NEB: variants seen among roughly 807,000 people sequenced by gnomAD.
NEB encodes the protein nebulin, also known as nemaline myopathy type 2.
NEB carries 512 observed loss-of-function variants against 952.2 expected under a neutral mutation model. That is an observed-to-expected ratio of 0.54 (90% CI 0.50 to 0.58). The LOEUF (loss-of-function observed/expected upper bound fraction) is 0.58, where lower values mean the gene tolerates loss of function less well. Among genes scored for constraint, NEB ranks in the 20% least tolerant of loss-of-function variants. NEB has a pLI of 0.00. For synonymous variants in NEB, 2,900 were observed against 3,149.8 expected, an observed-to-expected ratio of 0.92 and a Z score of 2.66; for missense variants, 8,428 against 9,231.1, an observed-to-expected ratio of 0.91 and a Z score of 3.56.
In NEB at chr2:151,612,368, C is replaced by T. The variant is rs1443729624; in HGVS notation, c.11623G>A (p.Glu3875Lys). The change falls in exon 78 of 182, where the codon GAG (glutamate) becomes AAG (lysine). Residue 3875 changes from glutamate to lysine, a missense_variant. By Grantham distance (56) the Glu-to-Lys change is moderately conservative. Around this residue, in one of 11 missense-constraint regions of NEB, gnomAD observed 337 missense variants for 297.5 expected, o/e 1.13. Transcript: ENST00000397345. ...QSDAIYKSDL[E>K]WLRGIGWVPI... ...ACCCATCCTATGCCTCTCAGCCACT[C>T]AAGATCAGATTTGTAAATAGCCTGA... 1 of 1,613,740 alleles carries T rather than the reference C, an allele frequency of 6.2e-7. No individual in the cohort carries two copies. Among genetic ancestry groups the T allele is most frequent in the Admixed American group, 1.7e-5 (1 of 60,008 alleles).
intron 46 of NEB, among the ~76,000 whole-genome samples, chr2:151,660,313 T>C (rs544802320): frequency 6.6e-6 from 1 of 152,296 alleles, no homozygotes; most frequent in South Asian, 2.1e-4. Flanking sequence ...ATTTTCATCT[T>C]AGCGTCTCCT....
rs747483703 is a variant in NEB at position 151,659,075 on chromosome 2, T to C, written c.6065A>G (p.Asn2022Ser). The part of the protein sequence containing the change: ...QIILAKANAI[N>S]MSDKLYKLSL... ...GGGAACTATACTTACATCACTCATA[T>C]TAATTGCATTTGCCTTTGCCAAAAT... Residue 2022 changes from asparagine (N) to serine (S), a missense_variant, in exon 47 of 182, where the codon AAT becomes AGT. This residue lies in a region of NEB where 2,851 missense variants were observed against 2,791.5 expected (regional missense o/e 1.02). Coordinates refer to ENST00000397345, the MANE Select transcript of NEB (RefSeq NM_001164508.2). 1 of 1,601,426 alleles carries C rather than the reference T, an allele frequency of 6.2e-7. No individual in the cohort carries two copies. Among genetic ancestry groups the C allele is most frequent in the East Asian group, 2.2e-5 (1 of 44,818 alleles).
chr2:151,538,019 G>A (rs1196570488), intron 139 of NEB, 43 bp from the exon 140 acceptor site: 1 of 1,568,196 alleles, frequency 6.4e-7, no homozygotes, highest in Non-Finnish European at 8.8e-7. Flanking sequence ...CTTACCCAAA[G>A]TTAATGTAAA....
chr2:151,687,635 G>C lies in NEB; in HGVS notation c.2514C>G (p.Asn838Lys), dbSNP rs962547010. 2.5e-6 allele frequency: 4 copies of C among 1,612,740 alleles called. No individual in the cohort carries two copies. Among genetic ancestry groups the C allele is most frequent in the Non-Finnish European group, 3.4e-6 (4 of 1,179,248 alleles). Residue 838 changes from asparagine (N) to lysine (K), a missense_variant, in exon 26 of 182, where the codon AAC (asparagine) becomes AAG (lysine). By Grantham distance (94) the Asn-to-Lys change is moderately conservative (BLOSUM62 0). Coordinates refer to ENST00000397345, the MANE Select transcript of NEB (RefSeq NM_001164508.2). ...PLLAAKANTK[N>K]TSDVMYKKDY... ...CCCAGGCCACACTCACATCGCTGGT[G>C]TTCTTGGTGTTGGCTTTGGCTGCCA... is the stretch of plus-strand genomic sequence containing the variant.
chr2:151,534,327 A>G lies in NEB; in HGVS notation c.21313-781T>C, dbSNP rs1484679285. 1.9e-6 allele frequency: 3 copies of G among 1,608,946 alleles called. No individual in the cohort carries two copies. The African/African-American group carries it at 4.0e-5, about 21-fold the overall frequency. The stretch of plus-strand genomic sequence containing the variant: ...ATCAGCTCTGTATTTTTTCTGCTCA[A>G]ACATCATAGCATATTATAGCAAGAG... On this transcript the variant is annotated intron_variant, in intron 142 of 181. Transcript: ENST00000397345.
rs561703073 is a variant in NEB at position 151,485,500 on chromosome 2, T to C, written c.*260A>G. The stretch of plus-strand genomic sequence containing the variant: ...GTTTGGCATATTCAAAATCCCTGTT[T>C]TAGAAAAGAAATAATGTTAAAACAT... On this transcript the variant is annotated 3_prime_UTR_variant, in exon 182 of 182. Coordinates refer to ENST00000397345, the MANE Select transcript of NEB (RefSeq NM_001164508.2). 1 of 321,172 alleles carries C rather than the reference T, an allele frequency of 3.1e-6. No individual in the cohort carries two copies. Among genetic ancestry groups the C allele is most frequent in the African/African-American group, 2.1e-5 (1 of 47,288 alleles). 19.9% of individuals were successfully genotyped at this position (321,172 alleles called of 1,614,324 possible). A position where few individuals can be genotyped will look rare whatever the true frequency, so the allele number is the denominator to read the frequency against.
Position 151,561,136 on chromosome 2 carries a change from A to G in NEB, c.19102-28T>C, listed in dbSNP as rs1444693448. The stretch of plus-strand genomic sequence containing the variant: ...GTAGACAAGCAACAATAGGTTATTC[A>G]CCTCTGTTGTTAGAAAATACATAAA... On this transcript the variant is annotated intron_variant, in intron 122 of 181. Transcript: ENST00000397345. 1.9e-6 allele frequency: 3 copies of G among 1,561,698 alleles called. No homozygotes were observed. In the South Asian group the frequency reaches 3.4e-5, roughly 18 times the overall value.
chr2:151,501,289 T>C, intron 168 of NEB, 102 bp downstream of exon 168: 1 of 780,326 alleles, frequency 1.3e-6, no homozygotes, highest in East Asian at 2.8e-5. Context: ...TAAAAAAAGA[T>C]TTTGTTAAAT....
chr2:151,562,871 C>T, intron 119 of NEB, 63 bp from the exon 120 acceptor site: 1 of 1,147,250 alleles, frequency 8.7e-7, no homozygotes, highest in Non-Finnish European at 1.3e-6. Flanking sequence ...AGATCAATGT[C>T]TTTTAGATCC....
chr2:151,546,317 A>G, intron 134 of NEB, 28 bp downstream of exon 134: 4 of 1,563,278 alleles, frequency 2.6e-6, no homozygotes, highest in Non-Finnish European at 3.5e-6. Context: ...GCGGGGGGTA[A>G]TTATGCATTG....
chr2:151,706,442 C>A (rs1157721574), intron 13 of NEB, among the ~76,000 whole-genome samples: 1 of 152,112 alleles, frequency 6.6e-6, no homozygotes, highest in Admixed American at 6.5e-5. Context: ...TTAATAATTA[C>A]ACAATTAGAA....
At chr2:151,549,493 G>T in intron 130 of NEB, 143 bp downstream of exon 130, 1 of 656,524 alleles carries the variant, frequency 1.5e-6, no homozygotes, top group Admixed American at 2.4e-5. Flanking sequence ...TCAAAAATAT[G>T]CTGTCTCTCC....
In NEB at chr2:151,534,254, T is replaced by C. The variant is rs1294340060; in HGVS notation, c.21313-708A>G. 8 of 1,613,658 alleles carry C rather than the reference T, an allele frequency of 5.0e-6. No homozygotes were observed. Among genetic ancestry groups the C allele is most frequent in the Non-Finnish European group, 5.9e-6 (7 of 1,179,832 alleles). ...CGCCTGCGGTCTTAGCCAGCAGATGTCTAGGCTCATCGACTACCAGGTGGT... is the reference window on the plus strand; with the variant it reads ...CGCCTGCGGTCTTAGCCAGCAGATGCCTAGGCTCATCGACTACCAGGTGGT... On this transcript the variant is annotated intron_variant, in intron 142 of 181. Transcript: ENST00000397345.
chr2:151,677,865 A>G lies in NEB; in HGVS notation c.3567+11T>C. On this transcript the variant is annotated intron_variant, in intron 33 of 181. Coordinates refer to ENST00000397345, the MANE Select transcript of NEB (RefSeq NM_001164508.2). ...AATAGGGGGGTTTCTTGAGAAGTAA[A>G]TGACACTTACATCACTCTGTATCTG... The G allele has an allele frequency of 1.2e-6, 2 of 1,606,582 alleles. No individual in the cohort carries two copies. Among genetic ancestry groups the G allele is most frequent in the Non-Finnish European group, 1.7e-6 (2 of 1,175,416 alleles).
chr2:151,616,164 T>C (rs1469613193), intron 75 of NEB, 55 bp from the exon 76 acceptor site: 1 of 1,208,334 alleles, frequency 8.3e-7, no homozygotes, highest in Non-Finnish European at 1.2e-6. Flanking sequence ...GTGAAGCTGT[T>C]CATTATTAGT....
chr2:151,705,050 G>A (rs1316824405), intron 13 of NEB, among the ~76,000 whole-genome samples: 1 of 152,184 alleles, frequency 6.6e-6, no homozygotes, highest in Non-Finnish European at 1.5e-5. Context: ...GCAATTGCAA[G>A]TTGTTTAATT....
At position 151,529,234 on chromosome 2, in the gene NEB, C is replaced by G; in HGVS notation, c.21711G>C (p.Lys7237Asn). ...EPDAVHIKAA[K>N]DAYKVNTNLD... is the part of the protein sequence containing the mutation. The stretch of plus-strand genomic sequence containing the variant: ...CATTGGTGTTGACTTTGTAGGCGTC[C>G]TTGGCTGCTTTGATATGAACAGCAT... The change falls in exon 146 of 182, where the codon AAG becomes AAC. Residue 7237 changes from lysine (K) to asparagine (N), a missense_variant. Lys to Asn is a moderately conservative substitution (Grantham distance 94). Transcript: ENST00000397345. 1 of 1,612,982 alleles carries G rather than the reference C, an allele frequency of 6.2e-7. No individual in the cohort carries two copies. The highest frequency in any genetic ancestry group is 8.5e-7 in the Non-Finnish European group (1 of 1,179,010).
At chr2:151,515,177 G>A (rs2076957064) in intron 157 of NEB, among the ~76,000 whole-genome samples, 1 of 152,168 alleles carries the variant, frequency 6.6e-6, no homozygotes, top group Non-Finnish European at 1.5e-5. Flanking sequence ...TGTTGTGACT[G>A]GGGCAGGCCC....
chr2:151,551,667 AGCTCAGCTTGCTTCCACAGAG>A (rs1297204549), intron 129 of NEB, 50 bp downstream of exon 129: 3 of 1,215,978 alleles, frequency 2.5e-6, no homozygotes, highest in Non-Finnish European at 3.6e-6. Context: ...AGAGGAAGCA[AGCTCAGCTTGCTTCCACAGAG>A]GCTGATGGAA....
Sources: gnomAD v4.1 joint callset for allele counts (sites outside exome capture counted in the v4.1 genomes callset) on GRCh38, gnomAD v4.1.1 for gene constraint, gnomAD v4.1.1 regional missense constraint, MANE v1.5 for transcripts, NCBI Gene and HGNC (gene_info 2026-07-23, HGNC 2026-07-21) for gene names.